The following L3MBTL4 variants were observed in gnomAD, a reference collection of about 807,000 sequenced individuals.
L3MBTL4 encodes L3MBTL histone methyl-lysine binding protein 4, also known as lethal(3)malignant brain tumor-like protein 4.
A neutral mutation model predicts 84.5 loss-of-function variants in L3MBTL4; 70 were observed. The observed-to-expected ratio is 0.83, with a 90% CI of 0.68 to 1.01. The LOEUF is 1.01. Ranked by LOEUF, L3MBTL4 falls within the 50% of genes least tolerant of loss-of-function variation. The pLI is 0.00. For synonymous variants in L3MBTL4, 274 were observed against 259.8 expected, an observed-to-expected ratio of 1.05 and a Z score of -0.52; for missense variants, 715 against 754.8, an observed-to-expected ratio of 0.95 and a Z score of 0.62.
At chr18:6,397,902 G>A (rs966726232) in intron 1 of L3MBTL4, 2 of 151,852 alleles carry the variant, frequency 1.3e-5, no homozygotes, top group African/African-American at 2.4e-5. Context: ...TTACATCTGA[G>A]AAGTTCCATA....
intron 4 of L3MBTL4, among the ~76,000 whole-genome samples, chr18:6,287,567 T>C (rs1053094293): frequency 2.0e-5 from 3 of 152,226 alleles, no homozygotes; most frequent in Admixed American, 6.5e-5. Flanking sequence ...CTGTGCTGTT[T>C]CTTAAAAGCA....
chr18:5,987,748 A>G (rs576289764), intron 16 of L3MBTL4, among the ~76,000 whole-genome samples: 7 of 152,378 alleles, frequency 4.6e-5, no homozygotes, highest in Middle Eastern at 3.4e-3. Context: ...TGAAAAAAAA[A>G]TTAAACCAGT....
At chr18:6,127,901 G>A (rs1438605485) in intron 14 of L3MBTL4, among the ~76,000 whole-genome samples, 4 of 152,012 alleles carry the variant, frequency 2.6e-5, no homozygotes, top group East Asian at 1.9e-4. Context: ...AAAGCCTCAC[G>A]CCAGCTTTTT....
intron 14 of L3MBTL4, among the ~76,000 whole-genome samples, chr18:6,122,216 GTTA>G (rs10548504): frequency 0.35 from 53,460 of 151,862 alleles, 10,914 homozygotes; most frequent in African/African-American, 0.55. Context: ...TATTATGATT[GTTA>G]TTATTAACTT....
chr18:6,101,274 C>T (rs2058815665), intron 14 of L3MBTL4, among the ~76,000 whole-genome samples: 1 of 152,284 alleles, frequency 6.6e-6, no homozygotes, highest in Admixed American at 6.5e-5. Context: ...CTGTGCTGTT[C>T]CCTGGGTCTC....
At chr18:6,391,408 C>T (rs763785856) in intron 1 of L3MBTL4, among the ~76,000 whole-genome samples, 1 of 151,994 alleles carries the variant, frequency 6.6e-6, no homozygotes, top group Non-Finnish European at 1.5e-5. Flanking sequence ...AAAGCATTCC[C>T]CATGAGACCA....
At chr18:6,174,932 C>G (rs750705274) in intron 12 of L3MBTL4, among the ~76,000 whole-genome samples, 1 of 150,606 alleles carries the variant, frequency 6.6e-6, no homozygotes, top group African/African-American at 2.4e-5. Flanking sequence ...ATCAACTCAT[C>G]TAACATACGC....
intron 16 of L3MBTL4, among the ~76,000 whole-genome samples, chr18:5,980,804 G>T (rs1304184811): frequency 6.6e-6 from 1 of 152,176 alleles, no homozygotes; most frequent in African/African-American, 2.4e-5. Flanking sequence ...TTTTCTTCTT[G>T]TAGGAGTTGT....
At chr18:6,412,468 G>A (rs976923078) in intron 1 of L3MBTL4, among the ~76,000 whole-genome samples, 3 of 152,104 alleles carry the variant, frequency 2.0e-5, no homozygotes, top group East Asian at 1.9e-4. Flanking sequence ...AGTGATGGGG[G>A]GAGGAGGGAT....
intron 16 of L3MBTL4, among the ~76,000 whole-genome samples, chr18:5,972,741 G>A (rs1020763003): frequency 6.6e-6 from 1 of 152,018 alleles, no homozygotes; most frequent in Non-Finnish European, 1.5e-5. Context: ...GGAGCTCTGT[G>A]GCCTAGTGAT....
At position 6,138,306 on chromosome 18, in the gene L3MBTL4, G is replaced by A; in HGVS notation, c.1097-10C>T. ...TTCAGGTCATTCGTTCCTTCAGGAA[G>A]TAAAAGAACATGCCTTGAAAACACC... On this transcript the variant is annotated splice_polypyrimidine_tract_variant and intron_variant, in intron 13 of 18. Transcript: ENST00000317931. 2 of 1,573,980 alleles carry A rather than the reference G, an allele frequency of 1.3e-6. No individual in the cohort carries two copies. The highest frequency in any genetic ancestry group is 1.7e-6 in the Non-Finnish European group (2 of 1,147,250).
intron 12 of L3MBTL4, among the ~76,000 whole-genome samples, chr18:6,194,098 T>C (rs3865425): frequency 0.084 from 12,815 of 152,100 alleles, 1,819 homozygotes; most frequent in African/African-American, 0.29. Flanking sequence ...TCCTTCCTCA[T>C]TGGAAAAACA....
At chr18:6,002,650 A>G (rs1003561887) in intron 16 of L3MBTL4, among the ~76,000 whole-genome samples, 2 of 152,094 alleles carry the variant, frequency 1.3e-5, no homozygotes, top group Non-Finnish European at 2.9e-5. Flanking sequence ...TGTTAAGTGT[A>G]TAATGTACAT....
intron 4 of L3MBTL4, among the ~76,000 whole-genome samples, chr18:6,296,698 TC>T (rs2050121803): frequency 6.6e-6 from 1 of 152,022 alleles, no homozygotes; most frequent in Non-Finnish European, 1.5e-5. Context: ...CCAGTAACAT[TC>T]TAGGGAAGGG....
chr18:5,991,369 G>A (rs977777377), intron 16 of L3MBTL4, among the ~76,000 whole-genome samples: 7 of 152,266 alleles, frequency 4.6e-5, no homozygotes, highest in African/African-American at 9.6e-5. Context: ...CAAATGAGTC[G>A]TTTAGGGAAG....
At chr18:5,964,458 G>C (rs1036750864) in intron 17 of L3MBTL4, among the ~76,000 whole-genome samples, 2 of 152,158 alleles carry the variant, frequency 1.3e-5, no homozygotes, top group African/African-American at 4.8e-5. Flanking sequence ...TCGTCCACTG[G>C]GGACCATGTT....
intron 5 of L3MBTL4, among the ~76,000 whole-genome samples, chr18:6,247,738 A>G (rs1387589496): frequency 2.0e-5 from 3 of 147,070 alleles, no homozygotes; most frequent in Non-Finnish European, 4.5e-5. Flanking sequence ...CTGGTGATCC[A>G]CCTGCCTCGG....
intron 3 of L3MBTL4, among the ~76,000 whole-genome samples, chr18:6,303,829 A>G (rs755760961): frequency 4.1e-4 from 62 of 152,244 alleles, no homozygotes; most frequent in Non-Finnish European, 7.5e-4. Context: ...CCTGGCCAAC[A>G]TACTGAAACC....
chr18:6,380,441 C>A (rs943815340), intron 1 of L3MBTL4, among the ~76,000 whole-genome samples: 1 of 152,102 alleles, frequency 6.6e-6, no homozygotes, highest in Non-Finnish European at 1.5e-5. Context: ...TCTGCTTTCC[C>A]TTGTGGGCAT....
Sources: gnomAD v4.1 joint callset for allele counts (sites outside exome capture counted in the v4.1 genomes callset) on GRCh38, gnomAD v4.1.1 for gene constraint, MANE v1.5 for transcripts, NCBI Gene and HGNC (gene_info 2026-07-23, HGNC 2026-07-21) for gene names.